PACRG: variants seen among roughly 807,000 people sequenced by gnomAD.
PACRG encodes the protein parkin coregulated gene protein.
PACRG carries 29 observed loss-of-function variants against 29.7 expected under a neutral mutation model. The observed-to-expected ratio is 0.98, with a 90% CI of 0.73 to 1.33. PACRG has a LOEUF of 1.33. Among genes scored for constraint, PACRG ranks in the 40% most tolerant of loss-of-function variants. The probability of loss-of-function intolerance (pLI) is 0.00; values close to 1 mark genes in which losing one functional copy is unlikely to be tolerated. For synonymous variants in PACRG, 116 were observed against 118.7 expected (o/e 0.98, Z 0.15); for missense variants, 279 against 316.2 (o/e 0.88, Z 0.89).
rs1160906827 is a variant in PACRG, at chr6:163,055,204, G to C, written c.292-6946G>C. Among the ~76,000 whole-genome samples, 2 of 152,138 alleles carry C rather than the reference G, an allele frequency of 1.3e-5. No individual in the cohort carries two copies. Among genetic ancestry groups the C allele is most frequent in the African/African-American group, 4.8e-5 (2 of 41,444 alleles). On this transcript the variant is annotated intron_variant, in intron 2 of 4. Coordinates refer to ENST00000366888, the MANE Select transcript of PACRG (RefSeq NM_001080379.2). The surrounding 1 kb of genome is among the most constrained non-coding windows in gnomAD (Gnocchi z 4.0). Reference sequence around the variant, plus strand: ...ATGTGGAAATGGAGCGGGGACCGGGGACAGTGTGGAAATGGAGCCGTGACT... The same window carrying C: ...ATGTGGAAATGGAGCGGGGACCGGGCACAGTGTGGAAATGGAGCCGTGACT...
chr6:162,942,659 A>G (rs1223663283), intron 2 of PACRG, among the ~76,000 whole-genome samples: 1 of 152,154 alleles, frequency 6.6e-6, no homozygotes, highest in African/African-American at 2.4e-5. Context: ...ATTAAAGCCC[A>G]TATGTTATAA....
chr6:162,817,467 G>A (rs546446968), intron 2 of PACRG, among the ~76,000 whole-genome samples: 34 of 152,240 alleles, frequency 2.2e-4, no homozygotes, highest in East Asian at 5.8e-4. Flanking sequence ...GGCAGGCTGC[G>A]TGTCATCGTC....
intron 1 of PACRG, among the ~76,000 whole-genome samples, chr6:162,760,225 G>T (rs996988688): frequency 3.3e-5 from 5 of 152,194 alleles, no homozygotes; most frequent in Non-Finnish European, 7.3e-5. Context: ...GGTTACAGGT[G>T]TCAGCTGTCA....
At chr6:163,023,985 T>C (rs1806880332) in intron 2 of PACRG, among the ~76,000 whole-genome samples, 1 of 152,200 alleles carries the variant, frequency 6.6e-6, no homozygotes, top group African/African-American at 2.4e-5. Flanking sequence ...GTTGAATGCA[T>C]GGTTTACAAA....
rs1453603465 is a variant in PACRG at position 162,994,814 on chromosome 6, G to A, written c.292-67336G>A. Among the ~76,000 whole-genome samples, 19 of 151,252 alleles carry A rather than the reference G, an allele frequency of 1.3e-4. 2 individuals are homozygous for A. The East Asian group carries it at 3.3e-3, about 26-fold the overall frequency. On this transcript the variant is annotated intron_variant, in intron 2 of 4. Transcript: ENST00000366888. ...TGCGTTCCTTTGGAGGAGGAGAGGC[G>A]CTCTGCGTTTTAGAGTTTCCCGTTT...
chr6:162,905,463 G>A (rs1246667998), intron 2 of PACRG, among the ~76,000 whole-genome samples: 1 of 152,170 alleles, frequency 6.6e-6, no homozygotes, highest in African/African-American at 2.4e-5. Context: ...CAGTCACTAA[G>A]TGGGAGCTGG....
intron 2 of PACRG, among the ~76,000 whole-genome samples, chr6:163,020,960 C>T (rs1242560249): frequency 6.6e-6 from 1 of 152,158 alleles, no homozygotes; most frequent in Non-Finnish European, 1.5e-5. Flanking sequence ...GCCTGCACCT[C>T]CCTCCATGGC....
chr6:162,909,682 C>G (rs988810362), intron 2 of PACRG, among the ~76,000 whole-genome samples: 3 of 151,036 alleles, frequency 2.0e-5, no homozygotes, highest in South Asian at 4.2e-4. Flanking sequence ...ATCTGGCACA[C>G]GAGTATCATT....
intron 1 of PACRG, among the ~76,000 whole-genome samples, chr6:162,779,198 A>G (rs1301692737): frequency 3.3e-5 from 5 of 152,242 alleles, no homozygotes; most frequent in Non-Finnish European, 7.3e-5. Context: ...GTTTCCCTGC[A>G]AAGGACATAC....
At chr6:163,291,690 C>T (rs112206561) in intron 4 of PACRG, among the ~76,000 whole-genome samples, 27 of 152,330 alleles carry the variant, frequency 1.8e-4, no homozygotes, top group African/African-American at 6.5e-4. Flanking sequence ...AGAGAAGCAC[C>T]AACATTGCTA....
At chr6:163,106,663 C>T (rs1041736454) in intron 4 of PACRG, among the ~76,000 whole-genome samples, 1 of 152,066 alleles carries the variant, frequency 6.6e-6, no homozygotes, top group African/African-American at 2.4e-5. Context: ...ATAGAGTATG[C>T]GTAGATTTTG....
At chr6:163,297,997 G>C (rs1047633674) in intron 4 of PACRG, among the ~76,000 whole-genome samples, 1 of 152,138 alleles carries the variant, frequency 6.6e-6, no homozygotes, top group African/African-American at 2.4e-5. Context: ...CCAAGGTGGT[G>C]GCCCGGGATA....
intron 2 of PACRG, among the ~76,000 whole-genome samples, chr6:162,926,927 G>A (rs1008960980): frequency 5.9e-5 from 9 of 151,610 alleles, no homozygotes; most frequent in East Asian, 5.8e-4. Flanking sequence ...TCTAATATGC[G>A]GAATTTACAA....
chr6:163,311,031 G>A (rs1167858624), intron 4 of PACRG: 4 of 152,182 alleles, frequency 2.6e-5, no homozygotes, highest in African/African-American at 4.8e-5. Context: ...AGGAGGTTTA[G>A]ATAGAAAAAT....
chr6:163,073,130 G>A (rs1812230176), intron 3 of PACRG, among the ~76,000 whole-genome samples: 1 of 152,050 alleles, frequency 6.6e-6, no homozygotes, highest in Non-Finnish European at 1.5e-5. Flanking sequence ...AACCGCAAAA[G>A]ACCCAGAATT....
At chr6:163,048,055 A>G (rs1181683348) in intron 2 of PACRG, among the ~76,000 whole-genome samples, 4 of 151,638 alleles carry the variant, frequency 2.6e-5, no homozygotes, top group Non-Finnish European at 5.9e-5. Context: ...TTATGCAACA[A>G]TGTTTTTACA....
chr6:162,785,878 A>G (rs1784431380), intron 1 of PACRG, among the ~76,000 whole-genome samples: 1 of 152,144 alleles, frequency 6.6e-6, no homozygotes, highest in Non-Finnish European at 1.5e-5. Context: ...AGGATAACAA[A>G]CAAGTAAGAG....
At chr6:162,798,295 G>A (rs557173556) in intron 1 of PACRG, among the ~76,000 whole-genome samples, 1 of 152,242 alleles carries the variant, frequency 6.6e-6, no homozygotes, top group South Asian at 2.1e-4. Context: ...TGGATGTGAA[G>A]GGACTTTTAC....
chr6:162,896,554 A>C (rs1795180560), intron 2 of PACRG, among the ~76,000 whole-genome samples: 2 of 152,348 alleles, frequency 1.3e-5, no homozygotes, highest in Middle Eastern at 3.4e-3. Flanking sequence ...TGTAAGAATT[A>C]TAAAATGTAT....
Sources: gnomAD v4.1 joint callset for allele counts (sites outside exome capture counted in the v4.1 genomes callset) on GRCh38, gnomAD v4.1.1 for gene constraint, Gnocchi (gnomAD v3.1) non-coding constraint, MANE v1.5 for transcripts, NCBI Gene and HGNC (gene_info 2026-07-23, HGNC 2026-07-21) for gene names.